The following GLRA1 variants were observed in gnomAD, a reference collection of about 807,000 sequenced individuals.
GLRA1 encodes the protein glycine receptor alpha 1.
Under a neutral mutation model 48.3 loss-of-function variants are expected in GLRA1, and 37 were observed. That is an observed-to-expected ratio of 0.77 (90% CI 0.59 to 1.01). The LOEUF (loss-of-function observed/expected upper bound fraction) is 1.01, where lower values mean the gene tolerates loss of function less well. GLRA1 is among the 50% of genes least tolerant of loss of function. The probability of loss-of-function intolerance (pLI) is 0.00; values close to 1 mark genes in which losing one functional copy is unlikely to be tolerated. For missense variants in GLRA1, 427 were observed against 571.0 expected, an observed-to-expected ratio of 0.75 and a Z score of 2.57; for synonymous variants, 196 against 210.7, an observed-to-expected ratio of 0.93 and a Z score of 0.60.
intron 1 of GLRA1, among the ~76,000 whole-genome samples, chr5:151,914,591 C>G (rs2113457526): frequency 6.6e-6 from 1 of 152,282 alleles, no homozygotes; most frequent in Admixed American, 6.5e-5. Context: ...TGCTGCCCTT[C>G]TTCTTGACCT....
intron 1 of GLRA1, among the ~76,000 whole-genome samples, chr5:151,895,851 G>T (rs576088487): frequency 6.6e-6 from 1 of 152,196 alleles, no homozygotes. Flanking sequence ...CCACAGGCAC[G>T]CAACTAGTGA....
Position 151,856,290 on chromosome 5 carries a change from A to G in GLRA1, c.559+11T>C. The G allele has an allele frequency of 6.3e-7, 1 of 1,591,622 alleles. No homozygotes were observed. Among genetic ancestry groups the G allele is most frequent in the Non-Finnish European group, 8.6e-7 (1 of 1,160,162 alleles). On this transcript the variant is annotated intron_variant, in intron 5 of 8. Coordinates refer to ENST00000274576, the MANE Select transcript of GLRA1 (RefSeq NM_000171.4). ...CTGGTTCTTTCTAGAGGACTCATGCAAGACACTCACAGCTTTCCAGTTGCA... is the reference window on the plus strand; with the variant it reads ...CTGGTTCTTTCTAGAGGACTCATGCGAGACACTCACAGCTTTCCAGTTGCA...
intron 7 of GLRA1, among the ~76,000 whole-genome samples, chr5:151,849,216 T>TCC (rs1350329549): frequency 0.022 from 2,028 of 94,022 alleles, 261 homozygotes; most frequent in African/African-American, 0.083. Flanking sequence ...TTTCCTTCCT[T>TCC]TCTTCCTTCC....
At chr5:151,910,327 A>G (rs181952611) in intron 1 of GLRA1, among the ~76,000 whole-genome samples, 185 of 152,324 alleles carry the variant, frequency 1.2e-3, no homozygotes, top group African/African-American at 4.0e-3. Context: ...AAAGTAATAT[A>G]TATTGTTGTA....
At chr5:151,899,154 C>T (rs1439874974) in intron 1 of GLRA1, among the ~76,000 whole-genome samples, 1 of 152,098 alleles carries the variant, frequency 6.6e-6, no homozygotes, top group Non-Finnish European at 1.5e-5. Flanking sequence ...ATTTGACTGG[C>T]CTTTGCCCTC....
chr5:151,824,680 C>G (rs1395025505), intron 8 of GLRA1, among the ~76,000 whole-genome samples: 1 of 152,174 alleles, frequency 6.6e-6, no homozygotes, highest in Non-Finnish European at 1.5e-5. Flanking sequence ...TCTGAGCTCC[C>G]AAGTATAGGC....
intron 3 of GLRA1, among the ~76,000 whole-genome samples, chr5:151,866,037 A>G (rs1315759237): frequency 1.3e-5 from 2 of 152,158 alleles, no homozygotes; most frequent in Non-Finnish European, 2.9e-5. Context: ...AAGTTCAGGG[A>G]CTGGAGGAGC....
chr5:151,888,284 G>C, intron 2 of GLRA1, among the ~76,000 whole-genome samples: 1 of 152,228 alleles, frequency 6.6e-6, no homozygotes, highest in East Asian at 1.9e-4. Context: ...TATAGGAGGG[G>C]ACTCAGTCTT....
At chr5:151,900,915 T>C (rs1754351438) in intron 1 of GLRA1, among the ~76,000 whole-genome samples, 1 of 152,226 alleles carries the variant, frequency 6.6e-6, no homozygotes. Context: ...CAGAGCTCAG[T>C]AAATATTTGT....
chr5:151,830,743 GAATT>G (rs1215051196), intron 7 of GLRA1, among the ~76,000 whole-genome samples: 6 of 152,206 alleles, frequency 3.9e-5, no homozygotes, highest in Non-Finnish European at 7.3e-5. Flanking sequence ...GAACTTTACG[GAATT>G]AATTCAGAAA....
At chr5:151,836,946 T>C (rs561956114) in intron 7 of GLRA1, among the ~76,000 whole-genome samples, 81 of 152,016 alleles carry the variant, frequency 5.3e-4, no homozygotes, top group Middle Eastern at 3.4e-3. Context: ...ACAAATGGGA[T>C]CTAATTAAAC....
At chr5:151,874,298 A>G (rs776289793) in intron 3 of GLRA1, among the ~76,000 whole-genome samples, 9 of 152,202 alleles carry the variant, frequency 5.9e-5, no homozygotes, top group Non-Finnish European at 1.3e-4. Context: ...TATTATGTTC[A>G]CTATTTGGGT....
In GLRA1 at chr5:151,900,200, C is replaced by G. The variant is rs1754329704; in HGVS notation, c.57-7762G>C. Among the ~76,000 whole-genome samples the G allele has an allele frequency of 3.3e-5, 5 of 152,160 alleles. No homozygotes were observed. The South Asian group carries it at 1.0e-3, about 32-fold the overall frequency. Reference sequence around the variant, plus strand: ...GTAAAATTTAAGGAGGCACTCAATCCCAGGGTTGCATAAATGCCAACCCTG... The same window carrying G: ...GTAAAATTTAAGGAGGCACTCAATCGCAGGGTTGCATAAATGCCAACCCTG... On this transcript the variant is annotated intron_variant, in intron 1 of 8. Coordinates refer to ENST00000274576, the MANE Select transcript of GLRA1 (RefSeq NM_000171.4).
At chr5:151,867,955 T>C (rs772338132) in intron 3 of GLRA1, among the ~76,000 whole-genome samples, 2 of 152,158 alleles carry the variant, frequency 1.3e-5, no homozygotes, top group Non-Finnish European at 2.9e-5. Flanking sequence ...GGAACCACTG[T>C]AGACAATTGG....
rs149700357 is a variant in GLRA1 at position 151,825,266 on chromosome 5, A to C, written c.1060-2303T>G. On this transcript the variant is annotated intron_variant, in intron 8 of 8. Transcript: ENST00000274576. ...GTCTGACTCTATTGCATTTCAATGA[A>C]AATCTCCCCTTGCTGGAGCTGGGGT... 1.5e-3 allele frequency among the ~76,000 whole-genome samples: 228 copies of C among 152,322 alleles called. 1 individual carries two copies. The highest frequency in any genetic ancestry group is 5.2e-3 in the African/African-American group (215 of 41,564).
At chr5:151,896,632 C>T (rs1162375133) in intron 1 of GLRA1, among the ~76,000 whole-genome samples, 2 of 152,178 alleles carry the variant, frequency 1.3e-5, no homozygotes, top group Non-Finnish European at 2.9e-5. Context: ...AATCTCTAGT[C>T]CAGCCTCTCC....
At position 151,924,806 on chromosome 5, in the gene GLRA1, T is replaced by C; in HGVS notation, c.-257A>G. The C allele has an allele frequency of 1.7e-6, 1 of 579,756 alleles. No individual in the cohort carries two copies. The highest frequency in any genetic ancestry group is 2.0e-5 in the South Asian group (1 of 49,338). The allele number at this position is 579,756 out of a possible 1,614,324, so 35.9% of individuals were successfully genotyped here. On this transcript the variant is annotated 5_prime_UTR_variant, in exon 1 of 9. Transcript: ENST00000274576. ...TGCTTTTCAGGAGCGCGAAGAGTAT[T>C]GCTGTTTGTTAAACTCCAGCGTGTC... is the stretch of plus-strand genomic sequence containing the variant.
rs759799079 is a variant in GLRA1, at chr5:151,822,687, C to T, written c.1336G>A (p.Val446Ile). The change falls in exon 9 of 9, where the codon GTC (valine) becomes ATC (isoleucine). Residue 446 changes from valine (V) to isoleucine (I), a missense_variant. Coordinates refer to ENST00000274576, the MANE Select transcript of GLRA1 (RefSeq NM_000171.4). ...IIYKIVRRED[V>I]HNQ ...TTTCAGACCCTTCACTGGTTGTGGACGTCCTCTCTACGGACAATCTTGTAG... is the reference window on the plus strand; with the variant it reads ...TTTCAGACCCTTCACTGGTTGTGGATGTCCTCTCTACGGACAATCTTGTAG... 16 of 1,612,250 alleles carry T rather than the reference C, an allele frequency of 9.9e-6. No individual in the cohort carries two copies. The highest frequency in any genetic ancestry group is 3.3e-5 in the South Asian group (3 of 91,036).
At chr5:151,913,240 G>T (rs959191171) in intron 1 of GLRA1, among the ~76,000 whole-genome samples, 2 of 144,938 alleles carry the variant, frequency 1.4e-5, no homozygotes, top group Non-Finnish European at 3.0e-5. Flanking sequence ...GAAAGATTGA[G>T]CAAACTGCCA....
Sources: gnomAD v4.1 joint callset for allele counts (sites outside exome capture counted in the v4.1 genomes callset) on GRCh38, gnomAD v4.1.1 for gene constraint, MANE v1.5 for transcripts, NCBI Gene and HGNC (gene_info 2026-07-23, HGNC 2026-07-21) for gene names.